Variants in FAAH2 observed in about 807,000 individuals in gnomAD.
The protein encoded by FAAH2 is fatty acid amide hydrolase 2.
FAAH2 carries 60 observed loss-of-function variants against 36.9 expected under a neutral mutation model. That is an observed-to-expected ratio of 1.63 (90% CI 1.32 to 2.02). The LOEUF is 2.02. Ranked by LOEUF, FAAH2 falls within the 30% of genes most tolerant of loss-of-function variation. The pLI is 0.00. For missense variants in FAAH2, 689 were observed against 397.5 expected (o/e 1.73, Z -6.23); for synonymous variants, 214 against 143.8 (o/e 1.49, Z -3.49).
At position 57,453,446 on chromosome X, in the gene FAAH2, G is replaced by T. The variant is rs146371871; in HGVS notation, c.1423+4728G>T. The stretch of plus-strand genomic sequence containing the variant: ...CTCTTCTTTCTGAACTCTGCCAGTG[G>T]ACACAGCCTCCTGTTATCCAGGGAA... On this transcript the variant is annotated intron_variant, in intron 10 of 10. Transcript: ENST00000374900. Among the ~76,000 whole-genome samples the T allele has an allele frequency of 4.1e-4, 46 of 111,781 alleles. 2 individuals are homozygous for T. In the East Asian group the frequency reaches 0.013, roughly 32 times the overall value.
the FAAH2 span, among the ~76,000 whole-genome samples, chrX:57,257,330 G>A: frequency 8.9e-6 from 1 of 111,900 alleles, no homozygotes; most frequent in Admixed American, 9.5e-5. Flanking sequence ...AAGAAAATGT[G>A]GCACATGTAC....
chrX:57,285,585 T>A (rs2051798367), upstream of FAAH2, among the ~76,000 whole-genome samples: 1 of 111,992 alleles, frequency 8.9e-6, no homozygotes, highest in Non-Finnish European at 1.9e-5. Context: ...GAAGACTTAC[T>A]GGAGGAGGTG....
At chrX:57,401,260 C>A (rs772651665) in intron 7 of FAAH2, among the ~76,000 whole-genome samples, 8 of 112,077 alleles carry the variant, frequency 7.1e-5, no homozygotes, top group African/African-American at 2.3e-4. Context: ...TGGCTCAAAT[C>A]TTGGGCTAGT....
chrX:57,257,920 G>A, the FAAH2 span, among the ~76,000 whole-genome samples: 3 of 111,600 alleles, frequency 2.7e-5, no homozygotes, highest in Admixed American at 9.6e-5. Context: ...GAGATTCAAT[G>A]CTATCTCTAT....
At chrX:57,240,636 C>A in the FAAH2 span, among the ~76,000 whole-genome samples, 2 of 112,331 alleles carry the variant, frequency 1.8e-5, no homozygotes, top group Non-Finnish European at 3.8e-5. Context: ...GTGCACACCA[C>A]CAGCAGCAGC....
intron 10 of FAAH2, among the ~76,000 whole-genome samples, chrX:57,458,725 C>A (rs977170987): frequency 5.1e-4 from 57 of 111,525 alleles, no homozygotes; most frequent in African/African-American, 1.8e-3. Context: ...CCGGGAAGTG[C>A]AAGGAGTGGG....
At chrX:57,278,608 C>T in the FAAH2 span, among the ~76,000 whole-genome samples, 1 of 100,799 alleles carries the variant, frequency 9.9e-6, no homozygotes, top group African/African-American at 4.0e-5. Context: ...AGAGTTTCTG[C>T]ACAGTAAAAT....
chrX:57,284,839 GA>G (rs1380115205), upstream of FAAH2, among the ~76,000 whole-genome samples: 6 of 111,376 alleles, frequency 5.4e-5, no homozygotes, highest in African/African-American at 2.0e-4. Context: ...TTACAGATGA[GA>G]AAACACACCT....
chrX:57,166,068 A>G, the FAAH2 span, among the ~76,000 whole-genome samples: 3 of 110,110 alleles, frequency 2.7e-5, no homozygotes, highest in Non-Finnish European at 5.7e-5. Flanking sequence ...ACCAACAGGC[A>G]TCAGCAACCA....
At chrX:57,279,463 A>T in the FAAH2 span, among the ~76,000 whole-genome samples, 8 of 111,477 alleles carry the variant, frequency 7.2e-5, no homozygotes, top group Non-Finnish European at 9.4e-5. Context: ...GGACTGGGGG[A>T]CTAGGTGAGG....
chrX:57,172,349 G>T, the FAAH2 span, among the ~76,000 whole-genome samples: 1 of 111,041 alleles, frequency 9.0e-6, no homozygotes, highest in Non-Finnish European at 1.9e-5. Flanking sequence ...GGAGTGGCTC[G>T]TTTCTTCAGT....
chrX:57,395,297 C>T lies in FAAH2; in HGVS notation c.996+14268C>T, dbSNP rs190446863. The T allele has an allele frequency of 1.6e-4, 101 of 647,678 alleles. No homozygotes were observed. The East Asian group carries it at 2.1e-3, about 14-fold the overall frequency. The allele number at this position is 647,678 out of a possible 1,213,427, so 53.4% of individuals were successfully genotyped here. A position where few individuals can be genotyped will look rare whatever the true frequency, so the allele number is the denominator to read the frequency against. On this transcript the variant is annotated intron_variant, in intron 7 of 10. Coordinates refer to ENST00000374900, the MANE Select transcript of FAAH2 (RefSeq NM_174912.4). The stretch of plus-strand genomic sequence containing the variant: ...CTCTGTTGCCAACCTGTAATATTGC[C>T]AGGCCTGGTGTGAAACCAGGTACTT...
chrX:57,147,649 A>C, the FAAH2 span, among the ~76,000 whole-genome samples: 1 of 111,939 alleles, frequency 8.9e-6, no homozygotes, highest in East Asian at 2.8e-4. Context: ...GTGTGACATT[A>C]GGAACATTGT....
At chrX:57,439,084 T>G (rs919845987) in intron 8 of FAAH2, among the ~76,000 whole-genome samples, 1 of 110,747 alleles carries the variant, frequency 9.0e-6, no homozygotes, top group Non-Finnish European at 1.9e-5. Context: ...GTCTTTATAG[T>G]AGCATGATTT....
the FAAH2 span, among the ~76,000 whole-genome samples, chrX:57,251,652 C>CA: frequency 3.6e-5 from 4 of 111,886 alleles, no homozygotes; most frequent in South Asian, 3.7e-4. Context: ...AGCTGCTGAA[C>CA]AAAAAATCAG....
At chrX:57,342,034 T>A (rs2053699745) in intron 5 of FAAH2, among the ~76,000 whole-genome samples, 1 of 112,030 alleles carries the variant, frequency 8.9e-6, no homozygotes, top group Admixed American at 9.5e-5. Context: ...TATAAGGTAG[T>A]CTAATAAATA....
chrX:57,292,607 T>C, intron 2 of FAAH2, 27 bp downstream of exon 2: 1 of 1,143,519 alleles, frequency 8.7e-7, no homozygotes, highest in South Asian at 1.9e-5. Context: ...TCTCAAGGAG[T>C]CATTTATGGT....
chrX:57,403,644 G>T (rs2147311304), intron 7 of FAAH2, among the ~76,000 whole-genome samples: 1 of 112,675 alleles, frequency 8.9e-6, no homozygotes, highest in South Asian at 3.6e-4. Flanking sequence ...TTGGCTGAGT[G>T]CAAACAGCTC....
intron 1 of FAAH2, among the ~76,000 whole-genome samples, chrX:57,290,818 A>G (rs2051955066): frequency 8.9e-6 from 1 of 111,943 alleles, no homozygotes; most frequent in South Asian, 3.7e-4. Context: ...CAATCAATAT[A>G]TTTGATAAGA....
Sources: gnomAD v4.1 joint callset for allele counts (sites outside exome capture counted in the v4.1 genomes callset) on GRCh38, gnomAD v4.1.1 for gene constraint, MANE v1.5 for transcripts, NCBI Gene and HGNC (gene_info 2026-07-23, HGNC 2026-07-21) for gene names.